The following ARPIN variants were observed in gnomAD, a reference collection of about 807,000 sequenced individuals.
ARPIN encodes the protein actin related protein 2/3 complex inhibitor.
In ARPIN, 23 loss-of-function variants were observed where a neutral mutation model predicts 25.9. That is an observed-to-expected ratio of 0.89 (90% CI 0.64 to 1.26). The LOEUF (loss-of-function observed/expected upper bound fraction) is 1.26. ARPIN is among the 50% of genes most tolerant of loss of function. The pLI, the probability that ARPIN is intolerant of heterozygous loss-of-function variation, is 0.00. For synonymous variants in ARPIN, 126 were observed against 131.4 expected (o/e 0.96, Z 0.28); for missense variants, 333 against 312.2 (o/e 1.07, Z -0.50).
intron 2 of ARPIN, among the ~76,000 whole-genome samples, chr15:89,909,578 C>A (rs1484733599): frequency 6.6e-6 from 1 of 152,118 alleles, no homozygotes; most frequent in Non-Finnish European, 1.5e-5. Context: ...ATTTGATGGA[C>A]AAGGAATCCT....
chr15:89,902,335 G>A (rs1897036342), intron 5 of ARPIN, among the ~76,000 whole-genome samples: 1 of 152,092 alleles, frequency 6.6e-6, no homozygotes, highest in Non-Finnish European at 1.5e-5. Context: ...TTGAACCCGG[G>A]AGGCAAAGGT....
chr15:89,910,881 T>A, intron 1 of ARPIN, 62 bp from the exon 2 acceptor site: 2 of 1,582,532 alleles, frequency 1.3e-6, no homozygotes, highest in Non-Finnish European at 1.7e-6. Context: ...ATCTCACCCG[T>A]GTCTCCTATT....
intron 2 of ARPIN, among the ~76,000 whole-genome samples, 166 bp from the exon 3 acceptor site, chr15:89,908,578 G>A (rs576465509): frequency 2.2e-4 from 33 of 152,212 alleles, no homozygotes; most frequent in African/African-American, 7.5e-4. Flanking sequence ...AAATACTTAT[G>A]CATTCATGGG....
chr15:89,908,515 C>T, intron 2 of ARPIN, 103 bp from the exon 3 acceptor site: 3 of 1,536,444 alleles, frequency 2.0e-6, no homozygotes, highest in Middle Eastern at 1.8e-4. Flanking sequence ...ACCCTAGAAG[C>T]CCACCTCAGC....
At chr15:89,908,758 T>C (rs1003657883) in intron 2 of ARPIN, among the ~76,000 whole-genome samples, 2 of 151,600 alleles carry the variant, frequency 1.3e-5, no homozygotes, top group African/African-American at 4.9e-5. Flanking sequence ...CAGTGGCGAG[T>C]GGATCACGAG....
chr15:89,912,663 T>TGTGGCCCC, intron 1 of ARPIN, 81 bp downstream of exon 1: 3 of 871,106 alleles, frequency 3.4e-6, no homozygotes, highest in Non-Finnish European at 4.2e-6. Context: ...CCCACCCGCA[T>TGTGGCCCC]CCCACCCCCC....
Position 89,910,728 on chromosome 15 carries a change from G to A in ARPIN, c.168+16C>T, listed in dbSNP as rs772920515. 29 of 1,613,908 alleles carry A rather than the reference G, an allele frequency of 1.8e-5. No individual in the cohort carries two copies. Among genetic ancestry groups the A allele is most frequent in the South Asian group, 2.2e-5 (2 of 91,074 alleles). On this transcript the variant is annotated intron_variant, in intron 2 of 5. Coordinates refer to ENST00000357484, the MANE Select transcript of ARPIN (RefSeq NM_182616.4). The stretch of plus-strand genomic sequence containing the variant: ...AAGTCAGTGCCCTCTAGCTAGCACC[G>A]AGGAAGCATCCTCACCTTCCTGCCA...
chr15:89,908,688 A>T (rs1447558339), intron 2 of ARPIN, among the ~76,000 whole-genome samples: 1 of 152,144 alleles, frequency 6.6e-6, no homozygotes, highest in East Asian at 1.9e-4. Flanking sequence ...GTATATATAG[A>T]AAACCATAAC....
chr15:89,908,067 C>G (rs535560107), intron 3 of ARPIN, among the ~76,000 whole-genome samples: 1 of 152,148 alleles, frequency 6.6e-6, no homozygotes, highest in Non-Finnish European at 1.5e-5. Context: ...GGAAGGCCAG[C>G]CTGGCCCCTG....
At chr15:89,902,953 C>G in intron 5 of ARPIN, 1 of 1,408,114 alleles carries the variant, frequency 7.1e-7, no homozygotes. Context: ...TAATATCCCT[C>G]TGCACCCCCT....
intron 5 of ARPIN, chr15:89,902,993 A>C: frequency 2.8e-6 from 4 of 1,432,490 alleles, no homozygotes; most frequent in Non-Finnish European, 3.7e-6. Context: ...TCTTTGGGGA[A>C]TAGTTAGGTT....
rs1897067090 is a variant in ARPIN at position 89,903,789 on chromosome 15, C to T, written c.496G>A (p.Gly166Ser). The T allele has an allele frequency of 1.9e-6, 3 of 1,614,196 alleles. No individual in the cohort carries two copies. The highest frequency in any genetic ancestry group is 4.5e-5 in the East Asian group (2 of 44,882). ...AGVRLKTRGD[G>S]PFLDSLAKLE... ...TTGCATTGCTCACCCAGGAAGGGAC[C>T]ATCGCCCCGAGTCTTCAGCCGTACC... The change falls in exon 4 of 6, where the codon GGT (glycine) becomes AGT (serine). Residue 166 changes from glycine (G) to serine (S), a missense_variant. Coordinates refer to ENST00000357484, the MANE Select transcript of ARPIN (RefSeq NM_182616.4).
intron 3 of ARPIN, among the ~76,000 whole-genome samples, chr15:89,907,511 G>A (rs1268086624): frequency 6.6e-6 from 1 of 152,196 alleles, no homozygotes; most frequent in Non-Finnish European, 1.5e-5. Flanking sequence ...AGAGAGAGCC[G>A]CCTTGCCTTC....
chr15:89,910,758 T>A lies in ARPIN; in HGVS notation c.154A>T (p.Thr52Ser), dbSNP rs369862925. ...IDVSRHSILDTHGRKERYYVL... is the reference protein window; with the variant it reads ...IDVSRHSILDSHGRKERYYVL... ...AGCATCCTCACCTTCCTGCCATGAG[T>A]GTCCAAGATGCTGTGCCGAGATACA... The change falls in exon 2 of 6, where the codon ACT becomes TCT. Residue 52 changes from threonine (T) to serine (S), a missense_variant. Coordinates refer to ENST00000357484, the MANE Select transcript of ARPIN (RefSeq NM_182616.4). The A allele has an allele frequency of 6.2e-7, 1 of 1,614,076 alleles. No homozygotes were observed. The highest frequency in any genetic ancestry group is 1.1e-5 in the South Asian group (1 of 91,086).
chr15:89,896,841 A>T lies in ARPIN; in HGVS notation c.*4954T>A, dbSNP rs753186545. 7 of 152,230 alleles carry T rather than the reference A, an allele frequency of 4.6e-5. No individual in the cohort carries two copies. The highest frequency in any genetic ancestry group is 7.3e-5 in the Non-Finnish European group (5 of 68,050). 9.4% of individuals were successfully genotyped at this position (152,230 alleles called of 1,614,324 possible). A position where few individuals can be genotyped will look rare whatever the true frequency, so the allele number is the denominator to read the frequency against. ...TATATTCAAATATTATTTTCACCTC[A>T]TCAAAAATCATTTTAAAAATGTTTT... is the stretch of plus-strand genomic sequence containing the variant. On this transcript the variant is annotated 3_prime_UTR_variant, in exon 6 of 6. Coordinates refer to ENST00000357484, the MANE Select transcript of ARPIN (RefSeq NM_182616.4).
intron 3 of ARPIN, among the ~76,000 whole-genome samples, chr15:89,907,565 A>G (rs1191862846): frequency 6.6e-6 from 1 of 152,140 alleles, no homozygotes; most frequent in Non-Finnish European, 1.5e-5. Flanking sequence ...TCTGAAGCGC[A>G]AAGCAAGCCC....
At chr15:89,911,428 C>A (rs1897221692) in intron 1 of ARPIN, among the ~76,000 whole-genome samples, 1 of 152,128 alleles carries the variant, frequency 6.6e-6, no homozygotes, top group Admixed American at 6.6e-5. Context: ...GGACCCCTGG[C>A]TTCTCGACTC....
At position 89,897,684 on chromosome 15, in the gene ARPIN, A is replaced by C. The variant is rs1385341638; in HGVS notation, c.*4111T>G. 6 of 152,234 alleles carry C rather than the reference A, an allele frequency of 3.9e-5. No individual in the cohort carries two copies. Among genetic ancestry groups the C allele is most frequent in the Non-Finnish European group, 8.8e-5 (6 of 68,040 alleles). The allele number at this position is 152,234 out of a possible 1,614,324, so 9.4% of individuals were successfully genotyped here. A position where few individuals can be genotyped will look rare whatever the true frequency, so the allele number is the denominator to read the frequency against. On this transcript the variant is annotated 3_prime_UTR_variant, in exon 6 of 6. Transcript: ENST00000357484. ...AACTATGTACACAAATTACATGCTAAAAAACCCAAATACTAAAAATTATGA... is the reference window on the plus strand; with the variant it reads ...AACTATGTACACAAATTACATGCTACAAAACCCAAATACTAAAAATTATGA...
Position 89,903,797 on chromosome 15 carries a change from C to G in ARPIN, c.488G>C (p.Arg163Pro), listed in dbSNP as rs755151724. The change falls in exon 4 of 6, where the codon CGG becomes CCG. Residue 163 changes from arginine to proline, a missense_variant. By Grantham distance (103) the Arg-to-Pro change is moderately radical. Transcript: ENST00000357484. ...CTCACCCAGGAAGGGACCATCGCCC[C>G]GAGTCTTCAGCCGTACCCCGGCCCC... Reference protein sequence around the residue: ...ELGAGVRLKTRGDGPFLDSLA... With the variant: ...ELGAGVRLKTPGDGPFLDSLA... 3.1e-6 allele frequency: 5 copies of G among 1,614,188 alleles called. No individual in the cohort carries two copies. Among genetic ancestry groups the G allele is most frequent in the Non-Finnish European group, 4.2e-6 (5 of 1,180,038 alleles).
Sources: allele counts gnomAD v4.1 joint callset (sites outside exome capture counted in the v4.1 genomes callset), GRCh38; gene constraint gnomAD v4.1.1; transcripts MANE v1.5; gene names NCBI Gene and HGNC (gene_info 2026-07-23, HGNC 2026-07-21).